THSD7B: variants seen among roughly 807,000 people sequenced by gnomAD.
THSD7B encodes thrombospondin type-1 domain-containing protein 7B.
A neutral mutation model predicts 213.6 loss-of-function variants in THSD7B; 138 were observed. The observed-to-expected ratio is 0.65, with a 90% CI of 0.56 to 0.74. The LOEUF (loss-of-function observed/expected upper bound fraction) is 0.74. THSD7B is among the 30% of genes least tolerant of loss of function. THSD7B has a pLI of 0.00. For missense variants in THSD7B, 1,931 were observed against 1,991.5 expected (o/e 0.97, Z 0.58); for synonymous variants, 742 against 687.0 (o/e 1.08, Z -1.25).
chr2:137,324,205 T>C (rs533020170), intron 12 of THSD7B, among the ~76,000 whole-genome samples: 2 of 152,290 alleles, frequency 1.3e-5, no homozygotes, highest in East Asian at 3.9e-4. Flanking sequence ...GTGTCCTAAA[T>C]ATGCTGAAGC....
intron 15 of THSD7B, among the ~76,000 whole-genome samples, chr2:137,529,874 A>G (rs1680364649): frequency 6.6e-6 from 1 of 152,016 alleles, no homozygotes. Context: ...TTTGAAATTT[A>G]AGTGACAAGC....
At chr2:137,352,895 ATATAT>A (rs1408631651) in intron 12 of THSD7B, among the ~76,000 whole-genome samples, 18 of 152,056 alleles carry the variant, frequency 1.2e-4, no homozygotes, top group African/African-American at 3.6e-4. Flanking sequence ...AGAGCCATAC[ATATAT>A]TATATATATT....
intron 1 of THSD7B, among the ~76,000 whole-genome samples, chr2:136,775,775 T>G (rs1333920026): frequency 6.6e-6 from 1 of 152,114 alleles, no homozygotes; most frequent in Non-Finnish European, 1.5e-5. Flanking sequence ...GTGAAGCCCC[T>G]TTAAGTATCC....
At chr2:136,873,957 G>T (rs1683485495) in intron 1 of THSD7B, among the ~76,000 whole-genome samples, 1 of 152,128 alleles carries the variant, frequency 6.6e-6, no homozygotes, top group Admixed American at 6.5e-5. Flanking sequence ...TGCTGAGATG[G>T]CCTTGGAATA....
chr2:137,139,662 C>T (rs1679543709), intron 5 of THSD7B, among the ~76,000 whole-genome samples: 1 of 152,122 alleles, frequency 6.6e-6, no homozygotes, highest in African/African-American at 2.4e-5. Context: ...TTTTGGATGG[C>T]AGGAGAGTTA....
chr2:137,387,251 C>T (rs995918342), intron 12 of THSD7B, among the ~76,000 whole-genome samples: 2 of 152,236 alleles, frequency 1.3e-5, no homozygotes, highest in African/African-American at 4.8e-5. Flanking sequence ...TGCCAGGTGA[C>T]TGCTCTTATT....
At chr2:137,187,435 G>T (rs572612434) in intron 7 of THSD7B, among the ~76,000 whole-genome samples, 1 of 152,174 alleles carries the variant, frequency 6.6e-6, no homozygotes, top group Non-Finnish European at 1.5e-5. Context: ...GGATTAGAGG[G>T]CAGGAAGTGT....
chr2:136,939,256 G>A (rs1229118131), intron 2 of THSD7B, among the ~76,000 whole-genome samples: 1 of 152,052 alleles, frequency 6.6e-6, no homozygotes, highest in African/African-American at 2.4e-5. Flanking sequence ...GCACCATTGC[G>A]CTCCTATTGC....
At chr2:137,613,945 AAGG>A (rs1046119613) in intron 17 of THSD7B, among the ~76,000 whole-genome samples, 1 of 152,152 alleles carries the variant, frequency 6.6e-6, no homozygotes, top group African/African-American at 2.4e-5. Context: ...AGAAAGAAAT[AAGG>A]AGAAACAGTA....
At chr2:137,516,721 A>G (rs1399119010) in intron 15 of THSD7B, among the ~76,000 whole-genome samples, 1 of 146,760 alleles carries the variant, frequency 6.8e-6, no homozygotes, top group East Asian at 2.0e-4. Context: ...ATTGACATTT[A>G]GCAGCTGACA....
chr2:137,267,647 C>T (rs1047084417), intron 10 of THSD7B, among the ~76,000 whole-genome samples: 1 of 151,866 alleles, frequency 6.6e-6, no homozygotes, highest in Non-Finnish European at 1.5e-5. Flanking sequence ...TTACCTCTTC[C>T]ACCCCCCCAT....
chr2:136,890,432 T>G (rs1415047416), intron 2 of THSD7B, among the ~76,000 whole-genome samples: 3 of 4,592 alleles, frequency 6.5e-4, no homozygotes, highest in Non-Finnish European at 1.0e-3. Flanking sequence ...TTCTTCTTCT[T>G]CTTCTTCTTC....
At chr2:137,537,964 C>A (rs16839083) in intron 15 of THSD7B, among the ~76,000 whole-genome samples, 25,277 of 151,432 alleles carry the variant, frequency 0.17, 2,243 homozygotes, top group South Asian at 0.28. Context: ...AGTTGTAGTA[C>A]AGTTAAGGAG....
intron 4 of THSD7B, among the ~76,000 whole-genome samples, chr2:137,095,568 G>C (rs1449930974): frequency 2.0e-5 from 3 of 152,266 alleles, no homozygotes; most frequent in East Asian, 3.9e-4. Context: ...GGTAAGGAGT[G>C]GCAGTACCCT....
intron 2 of THSD7B, among the ~76,000 whole-genome samples, chr2:136,970,632 T>A (rs911810229): frequency 6.6e-6 from 1 of 151,740 alleles, no homozygotes; most frequent in Non-Finnish European, 1.5e-5. Flanking sequence ...AGGAGAAAAA[T>A]AAATAATACA....
At chr2:137,017,221 G>A (rs1303196567) in intron 2 of THSD7B, among the ~76,000 whole-genome samples, 1 of 151,430 alleles carries the variant, frequency 6.6e-6, no homozygotes, top group Non-Finnish European at 1.5e-5. Flanking sequence ...TAACAAAAAA[G>A]AAAACAGCAA....
chr2:137,244,901 A>C (rs911465286), intron 10 of THSD7B, among the ~76,000 whole-genome samples: 2 of 152,224 alleles, frequency 1.3e-5, no homozygotes, highest in African/African-American at 4.8e-5. Context: ...CTATAAGCCT[A>C]TGGTTCTCAA....
At chr2:137,534,134 C>T (rs1015070956) in intron 15 of THSD7B, among the ~76,000 whole-genome samples, 2 of 151,344 alleles carry the variant, frequency 1.3e-5, no homozygotes, top group Admixed American at 1.3e-4. Flanking sequence ...CTAATCTTTC[C>T]ATTTCCCCTT....
At chr2:137,404,588 T>C (rs1231543480) in intron 12 of THSD7B, among the ~76,000 whole-genome samples, 1 of 149,146 alleles carries the variant, frequency 6.7e-6, no homozygotes, top group Admixed American at 6.7e-5. Context: ...ACACAGATAC[T>C]ATATATACAC....
Sources: gnomAD v4.1 joint callset for allele counts (sites outside exome capture counted in the v4.1 genomes callset) on GRCh38, gnomAD v4.1.1 for gene constraint, MANE v1.5 for transcripts, NCBI Gene and HGNC (gene_info 2026-07-23, HGNC 2026-07-21) for gene names.